The following EGFLAM variants were observed in gnomAD, a reference collection of about 807,000 sequenced individuals.
EGFLAM encodes pikachurin.
EGFLAM carries 79 observed loss-of-function variants against 113.1 expected under a neutral mutation model. The observed-to-expected ratio is 0.70, with a 90% CI of 0.58 to 0.84. EGFLAM has a LOEUF of 0.84. Among genes scored for constraint, EGFLAM ranks in the 40% least tolerant of loss-of-function variants. The pLI is 0.00. For missense variants in EGFLAM, 1,265 were observed against 1,291.6 expected (o/e 0.98, Z 0.32); for synonymous variants, 504 against 487.6 (o/e 1.03, Z -0.44).
intron 1 of EGFLAM, among the ~76,000 whole-genome samples, chr5:38,301,628 C>G (rs1289360882): frequency 6.6e-6 from 1 of 151,924 alleles, no homozygotes; most frequent in Non-Finnish European, 1.5e-5. Context: ...AGTTCAGGTT[C>G]TTTAAATAGC....
intron 1 of EGFLAM, among the ~76,000 whole-genome samples, chr5:38,303,688 C>T (rs971252626): frequency 3.3e-5 from 5 of 152,076 alleles, no homozygotes; most frequent in African/African-American, 1.2e-4. Flanking sequence ...TTGAAGGCAA[C>T]GAGTGTAGGT....
At chr5:38,392,003 A>G (rs1210124040) in intron 6 of EGFLAM, among the ~76,000 whole-genome samples, 1 of 152,074 alleles carries the variant, frequency 6.6e-6, no homozygotes, top group East Asian at 1.9e-4. Context: ...GGTTTGTTAC[A>G]CAGATAAACC....
At chr5:38,301,967 C>T (rs979938870) in intron 1 of EGFLAM, among the ~76,000 whole-genome samples, 2 of 152,062 alleles carry the variant, frequency 1.3e-5, no homozygotes, top group Non-Finnish European at 2.9e-5. Context: ...AGGCCAGGGG[C>T]GGTGGCTCAC....
chr5:38,412,435 T>C (rs1741509516), intron 10 of EGFLAM, 69 bp from the exon 11 acceptor site: 1 of 1,611,614 alleles, frequency 6.2e-7, no homozygotes, highest in African/African-American at 1.3e-5. Flanking sequence ...GGAAGTGACG[T>C]CCACGGAATC....
chr5:38,378,691 C>T (rs949935995), intron 6 of EGFLAM, among the ~76,000 whole-genome samples: 1 of 152,174 alleles, frequency 6.6e-6, no homozygotes, highest in Non-Finnish European at 1.5e-5. Flanking sequence ...TACCTTTGAA[C>T]AGAGCAGAAT....
chr5:38,440,444 G>A (rs1367480022), intron 17 of EGFLAM, among the ~76,000 whole-genome samples: 1 of 152,162 alleles, frequency 6.6e-6, no homozygotes, highest in African/African-American at 2.4e-5. Flanking sequence ...CCAATTGTGG[G>A]CAGTTGCCAT....
At chr5:38,317,140 T>A (rs1207143616) in intron 1 of EGFLAM, among the ~76,000 whole-genome samples, 2 of 152,168 alleles carry the variant, frequency 1.3e-5, no homozygotes, top group African/African-American at 2.4e-5. Flanking sequence ...GTCAAAAAAA[T>A]ATCTGTTTTC....
chr5:38,303,916 A>G (rs1226925847), intron 1 of EGFLAM, among the ~76,000 whole-genome samples: 2 of 152,030 alleles, frequency 1.3e-5, no homozygotes, highest in Non-Finnish European at 2.9e-5. Context: ...CAGGTGGATC[A>G]CCTGAGGTCA....
At chr5:38,463,720 T>C in intron 21 of EGFLAM, 112 bp from the exon 22 acceptor site, 1 of 1,344,742 alleles carries the variant, frequency 7.4e-7, no homozygotes, top group Non-Finnish European at 1.0e-6. Flanking sequence ...GTCCCATGAA[T>C]CAAGGGATGC....
At chr5:38,358,752 C>T (rs965437849) in intron 5 of EGFLAM, among the ~76,000 whole-genome samples, 2 of 152,184 alleles carry the variant, frequency 1.3e-5, no homozygotes, top group East Asian at 1.9e-4. Flanking sequence ...CATGATCCCC[C>T]CCAAAGTTGG....
intron 1 of EGFLAM, among the ~76,000 whole-genome samples, chr5:38,319,808 C>T (rs956295075): frequency 6.6e-6 from 1 of 152,194 alleles, no homozygotes; most frequent in African/African-American, 2.4e-5. Context: ...GGTGAGATCA[C>T]CTGGCAGAAA....
chr5:38,362,785 A>G (rs1285066506), intron 5 of EGFLAM, among the ~76,000 whole-genome samples: 2 of 152,182 alleles, frequency 1.3e-5, no homozygotes, highest in East Asian at 3.9e-4. Context: ...TCAGGCCCTA[A>G]TGGAAGGGCT....
At chr5:38,428,486 A>C (rs953566739) in intron 14 of EGFLAM, among the ~76,000 whole-genome samples, 2 of 152,242 alleles carry the variant, frequency 1.3e-5, no homozygotes, top group Non-Finnish European at 2.9e-5. Flanking sequence ...TGGGGATTTA[A>C]TTGATTCAAT....
intron 6 of EGFLAM, among the ~76,000 whole-genome samples, chr5:38,374,475 T>TG (rs1372725036): frequency 6.6e-6 from 1 of 152,014 alleles, no homozygotes; most frequent in Non-Finnish European, 1.5e-5. Flanking sequence ...TGTTCCTGGA[T>TG]GGGATCACAG....
intron 5 of EGFLAM, among the ~76,000 whole-genome samples, chr5:38,353,231 G>A (rs1739676944): frequency 6.6e-6 from 1 of 152,190 alleles, no homozygotes; most frequent in Non-Finnish European, 1.5e-5. Context: ...TAATTTTAAA[G>A]AAAGAGAGAA....
intron 1 of EGFLAM, among the ~76,000 whole-genome samples, chr5:38,308,651 T>C (rs1049338030): frequency 6.6e-6 from 1 of 152,074 alleles, no homozygotes; most frequent in Non-Finnish European, 1.5e-5. Flanking sequence ...CTAGAATAGA[T>C]GCTCAAAAAA....
At position 38,462,898 on chromosome 5, in the gene EGFLAM, T is replaced by A; in HGVS notation, c.2772-10T>A. ...GGCTTTTTGTTCTTTTTTGTTTTGG[T>A]GTTTTGCAGGGATGGCCAGTCAGGA... On this transcript the variant is annotated splice_polypyrimidine_tract_variant and intron_variant, in intron 20 of 21. Transcript: ENST00000322350. 1 of 1,614,010 alleles carries A rather than the reference T, an allele frequency of 6.2e-7. No homozygotes were observed. Among genetic ancestry groups the A allele is most frequent in the Non-Finnish European group, 8.5e-7 (1 of 1,179,930 alleles).
At chr5:38,297,645 T>C (rs1055082925) in intron 1 of EGFLAM, among the ~76,000 whole-genome samples, 2 of 152,208 alleles carry the variant, frequency 1.3e-5, no homozygotes, top group African/African-American at 4.8e-5. Flanking sequence ...TGCTTGACCC[T>C]GAGCCTGTCC....
chr5:38,357,369 C>T (rs1279299586), intron 5 of EGFLAM, among the ~76,000 whole-genome samples: 1 of 152,018 alleles, frequency 6.6e-6, no homozygotes, highest in Non-Finnish European at 1.5e-5. Context: ...GCCTCCAGAA[C>T]TGTGAGCAAT....
Sources: gnomAD v4.1 joint callset for allele counts (sites outside exome capture counted in the v4.1 genomes callset) on GRCh38, gnomAD v4.1.1 for gene constraint, MANE v1.5 for transcripts, NCBI Gene and HGNC (gene_info 2026-07-23, HGNC 2026-07-21) for gene names.